The following LRRC7 variants were observed in gnomAD, a reference collection of about 807,000 sequenced individuals.
LRRC7 encodes the protein leucine rich repeat containing 7, also known as leucine-rich repeat-containing protein 7.
LRRC7 carries 23 observed loss-of-function variants against 175.7 expected under a neutral mutation model. The ratio of observed to expected loss-of-function variants is 0.13; its 90% confidence interval spans 0.09 to 0.19. LRRC7 has a LOEUF of 0.19. Ranked by LOEUF, LRRC7 falls within the 10% of genes least tolerant of loss-of-function variation. The pLI is 1.00. For synonymous variants in LRRC7, 685 were observed against 680.9 expected (o/e 1.01, Z -0.09); for missense variants, 1,354 against 1,904.7 (o/e 0.71, Z 5.38).
intron 4 of LRRC7, among the ~76,000 whole-genome samples, chr1:69,824,343 T>C (rs1409459777): frequency 3.3e-5 from 5 of 152,176 alleles, no homozygotes; most frequent in African/African-American, 1.2e-4. Context: ...ATTATTGACA[T>C]GGCTGCCTTT....
chr1:69,871,345 C>G (rs1413479485), intron 7 of LRRC7, among the ~76,000 whole-genome samples: 1 of 151,864 alleles, frequency 6.6e-6, no homozygotes, highest in African/African-American at 2.4e-5. Flanking sequence ...TCTATATGCC[C>G]TATGAGAAGA....
chr1:70,109,242 G>A (rs1302969787), intron 26 of LRRC7, among the ~76,000 whole-genome samples: 4 of 151,998 alleles, frequency 2.6e-5, no homozygotes, highest in Non-Finnish European at 5.9e-5. Context: ...GGCTGATCTC[G>A]AACTCCCAAC....
chr1:70,035,759 T>A (rs576048510), intron 18 of LRRC7, among the ~76,000 whole-genome samples: 1 of 152,240 alleles, frequency 6.6e-6, no homozygotes, highest in South Asian at 2.1e-4. Context: ...CATATATGGC[T>A]TATCATAATT....
intron 7 of LRRC7, among the ~76,000 whole-genome samples, chr1:69,925,812 C>G (rs1647053436): frequency 6.7e-6 from 1 of 148,878 alleles, no homozygotes; most frequent in Non-Finnish European, 1.5e-5. Flanking sequence ...CAGTTCTGCT[C>G]TGATTTTAGT....
intron 24 of LRRC7, among the ~76,000 whole-genome samples, chr1:70,076,758 A>G (rs1274886231): frequency 6.6e-6 from 1 of 152,204 alleles, no homozygotes; most frequent in Non-Finnish European, 1.5e-5. Context: ...GTGCAGAGAT[A>G]AAGCTTTGCT....
chr1:70,068,955 G>A (rs77091458), intron 23 of LRRC7, among the ~76,000 whole-genome samples: 3,923 of 152,086 alleles, frequency 0.026, 117 homozygotes, highest in African/African-American at 0.071. Flanking sequence ...TTAAATATTC[G>A]GTAGAAATGT....
At chr1:70,076,901 G>T (rs1287860407) in intron 24 of LRRC7, among the ~76,000 whole-genome samples, 2 of 152,182 alleles carry the variant, frequency 1.3e-5, no homozygotes, top group African/African-American at 4.8e-5. Flanking sequence ...CTTTTCCATT[G>T]TAGTATCTGT....
At chr1:69,925,637 A>G (rs1487868592) in intron 7 of LRRC7, among the ~76,000 whole-genome samples, 1 of 152,086 alleles carries the variant, frequency 6.6e-6, no homozygotes, top group Non-Finnish European at 1.5e-5. Context: ...CTGTGGGATC[A>G]GTTGTGATAT....
chr1:69,882,795 G>A (rs1259107968), intron 7 of LRRC7, among the ~76,000 whole-genome samples: 1 of 129,896 alleles, frequency 7.7e-6, no homozygotes, highest in East Asian at 2.3e-4. Context: ...TCCAGAGTGT[G>A]ATATTCCCCT....
intron 25 of LRRC7, among the ~76,000 whole-genome samples, chr1:70,098,180 G>A (rs10465860): frequency 8.5e-5 from 13 of 152,116 alleles, no homozygotes; most frequent in African/African-American, 3.1e-4. Context: ...GGTATCTCAT[G>A]GTGGTTTTGA....
intron 3 of LRRC7, among the ~76,000 whole-genome samples, chr1:69,777,787 C>T (rs755415914): frequency 6.6e-6 from 1 of 152,190 alleles, no homozygotes; most frequent in African/African-American, 2.4e-5. Context: ...TGTGTCAGAC[C>T]TTCATCTCAC....
At chr1:69,998,314 G>C (rs552737362) in intron 11 of LRRC7, among the ~76,000 whole-genome samples, 17 of 152,234 alleles carry the variant, frequency 1.1e-4, no homozygotes, top group African/African-American at 3.4e-4. Context: ...TGCCAAGTCA[G>C]CATATAGCCC....
At chr1:69,886,297 G>T (rs1199510682) in intron 7 of LRRC7, among the ~76,000 whole-genome samples, 12 of 151,506 alleles carry the variant, frequency 7.9e-5, no homozygotes, top group Non-Finnish European at 1.5e-4. Flanking sequence ...GAATCTGGGT[G>T]CTCCTGTATT....
intron 1 of LRRC7, among the ~76,000 whole-genome samples, chr1:69,595,004 A>G (rs1484806358): frequency 6.7e-6 from 1 of 149,480 alleles, no homozygotes; most frequent in Non-Finnish European, 1.5e-5. Context: ...TGTTTTGTAA[A>G]AATGATCATT....
intron 2 of LRRC7, among the ~76,000 whole-genome samples, chr1:69,682,043 G>A (rs1308598053): frequency 1.3e-5 from 2 of 151,994 alleles, no homozygotes; most frequent in African/African-American, 4.8e-5. Context: ...ACTCATTTAG[G>A]CTATTGGCAG....
At chr1:69,891,231 T>C (rs556161553) in intron 7 of LRRC7, among the ~76,000 whole-genome samples, 16 of 152,238 alleles carry the variant, frequency 1.1e-4, no homozygotes, top group Non-Finnish European at 2.4e-4. Context: ...TTCCTTTCAC[T>C]TGAACACTTA....
At chr1:69,584,896 T>C (rs1412318398) in intron 1 of LRRC7, among the ~76,000 whole-genome samples, 1 of 152,080 alleles carries the variant, frequency 6.6e-6, no homozygotes, top group African/African-American at 2.4e-5. Flanking sequence ...GCCTGTGTTG[T>C]TCTCATTAAC....
At position 69,824,226 on chromosome 1, in the gene LRRC7, A is replaced by G. The variant is rs147275948; in HGVS notation, c.422-1522A>G. 2.5e-3 allele frequency among the ~76,000 whole-genome samples: 375 copies of G among 152,294 alleles called. 3 individuals carry two copies. Among genetic ancestry groups the G allele is most frequent in the African/African-American group, 8.8e-3 (364 of 41,574 alleles). On this transcript the variant is annotated intron_variant, in intron 4 of 26. Coordinates refer to ENST00000651989, the MANE Select transcript of LRRC7 (RefSeq NM_001370785.2). ...AGCATGCAATGAGCCCAGATTGGAG[A>G]GTGAACAGAAAAAGCTAAACGGAGA...
In LRRC7 at chr1:69,718,142, G is replaced by GAGAGAAAGAAAGAAAGAA. The variant is rs397763816; in HGVS notation, c.100+39667_100+39668insGAAAGAAAGAAAGAAAGA. The stretch of plus-strand genomic sequence containing the variant: ...GAAAGAAAGAAAAGAAAGAAAGAGA[G>GAGAGAAAGAAAGAAAGAA]AGAAAGAAAGAAAGAAAGAAAGAAA... On this transcript the variant is annotated intron_variant, in intron 2 of 26. Transcript: ENST00000651989. 8.2e-3 allele frequency among the ~76,000 whole-genome samples: 605 copies of GAGAGAAAGAAAGAAAGAA among 73,736 alleles called. 20 individuals carry two copies. Among genetic ancestry groups the GAGAGAAAGAAAGAAAGAA allele is most frequent in the Non-Finnish European group, 0.01 (433 of 41,552 alleles). The allele number at this position is 73,736 out of a possible 152,430, so 48.4% of individuals were successfully genotyped here.
Sources: allele counts gnomAD v4.1 joint callset (sites outside exome capture counted in the v4.1 genomes callset), GRCh38; gene constraint gnomAD v4.1.1; transcripts MANE v1.5; gene names NCBI Gene and HGNC (gene_info 2026-07-23, HGNC 2026-07-21).